Variants in TBC1D9 observed in about 807,000 individuals in gnomAD.
TBC1D9 encodes the protein TBC1 domain family member 9A.
A neutral mutation model predicts 132.0 loss-of-function variants in TBC1D9; 63 were observed. That is an observed-to-expected ratio of 0.48 (90% CI 0.39 to 0.59). TBC1D9 has a LOEUF of 0.59. TBC1D9 is among the 20% of genes least tolerant of loss of function. The pLI, the probability that TBC1D9 is intolerant of heterozygous loss-of-function variation, is 0.00. For synonymous variants in TBC1D9, 610 were observed against 609.9 expected (o/e 1.00, Z 0.00); for missense variants, 1,261 against 1,592.7 (o/e 0.79, Z 3.54).
chr4:140,705,586 T>C (rs1028834140), intron 1 of TBC1D9, among the ~76,000 whole-genome samples: 33 of 152,084 alleles, frequency 2.2e-4, no homozygotes, highest in African/African-American at 6.5e-4. Context: ...CTATCTAAAC[T>C]CTGTTGGTAC....
At chr4:140,755,814 C>T in intron 1 of TBC1D9, 102 bp downstream of exon 1, 2 of 1,378,102 alleles carry the variant, frequency 1.5e-6, no homozygotes, top group Non-Finnish European at 1.9e-6. Context: ...GTCGCCCAGC[C>T]CCAGGGGACC....
At chr4:140,754,614 CAAAAAAAAAA>C (rs34471976) in intron 1 of TBC1D9, among the ~76,000 whole-genome samples, 9 of 23,264 alleles carry the variant, frequency 3.9e-4, no homozygotes, top group South Asian at 3.0e-3. Context: ...GACTCTGTCT[CAAAAAAAAAA>C]AAAAAAAAAA....
chr4:140,684,664 G>A (rs900911144), intron 3 of TBC1D9, among the ~76,000 whole-genome samples: 1 of 151,286 alleles, frequency 6.6e-6, no homozygotes, highest in Non-Finnish European at 1.5e-5. Context: ...TTGAGACAGA[G>A]TGTCACTCTG....
At chr4:140,714,937 A>G (rs1353638950) in intron 1 of TBC1D9, among the ~76,000 whole-genome samples, 1 of 152,156 alleles carries the variant, frequency 6.6e-6, no homozygotes, top group African/African-American at 2.4e-5. Flanking sequence ...CTCGGGCAAC[A>G]CAGTGAGATC....
intron 17 of TBC1D9, among the ~76,000 whole-genome samples, 187 bp from the exon 18 acceptor site, chr4:140,627,714 C>T (rs977313456): frequency 3.3e-5 from 5 of 152,204 alleles, no homozygotes; most frequent in Non-Finnish European, 7.3e-5. Context: ...TCTAACTCCA[C>T]CTTCCCTTTT....
At chr4:140,744,879 T>TAAAAAAAA (rs34469042) in intron 1 of TBC1D9, among the ~76,000 whole-genome samples, 1 of 107,516 alleles carries the variant, frequency 9.3e-6, no homozygotes, top group Non-Finnish European at 1.8e-5. Context: ...CAAGAGTGTT[T>TAAAAAAAA]AAAAAAAAAA....
chr4:140,719,346 A>C (rs916677113), intron 1 of TBC1D9, among the ~76,000 whole-genome samples: 1 of 152,162 alleles, frequency 6.6e-6, no homozygotes, highest in African/African-American at 2.4e-5. Context: ...CAAAAACTGT[A>C]GAGTCTCTCA....
chr4:140,641,090 C>CAAAAAAA (rs35813378), intron 13 of TBC1D9, among the ~76,000 whole-genome samples: 44 of 34,994 alleles, frequency 1.3e-3, no homozygotes, highest in African/African-American at 2.1e-3. Context: ...TAATACTAAG[C>CAAAAAAA]AAAAAAAAAA....
At chr4:140,738,469 C>T (rs972518632) in intron 1 of TBC1D9, among the ~76,000 whole-genome samples, 1 of 152,156 alleles carries the variant, frequency 6.6e-6, no homozygotes, top group Non-Finnish European at 1.5e-5. Context: ...TTTTACTCCC[C>T]TCCTTCTTGC....
At chr4:140,690,941 G>A (rs892106864) in intron 2 of TBC1D9, among the ~76,000 whole-genome samples, 11 of 152,116 alleles carry the variant, frequency 7.2e-5, no homozygotes, top group African/African-American at 2.7e-4. Context: ...ATTGAACTAT[G>A]GATTCCTATC....
At chr4:140,643,846 C>T (rs1578821176) in intron 13 of TBC1D9, 5 of 719,114 alleles carry the variant, frequency 7.0e-6, no homozygotes, top group South Asian at 1.5e-5. Flanking sequence ...CCTCTGCATC[C>T]GCCTGCAGGG....
chr4:140,684,323 A>G (rs17006347), intron 3 of TBC1D9, among the ~76,000 whole-genome samples: 9,210 of 152,102 alleles, frequency 0.061, 915 homozygotes, highest in African/African-American at 0.21. Flanking sequence ...TTATGGTTGC[A>G]TCTGTAGTTA....
chr4:140,707,207 CTAAT>C (rs1738162673), intron 1 of TBC1D9, among the ~76,000 whole-genome samples: 1 of 151,878 alleles, frequency 6.6e-6, no homozygotes. Flanking sequence ...CCTCTGATTA[CTAAT>C]TAATTTTCTT....
chr4:140,622,105 T>G lies in TBC1D9; in HGVS notation c.*90A>C. On this transcript the variant is annotated 3_prime_UTR_variant, in exon 21 of 21. Transcript: ENST00000442267. ...AGCCAGGTACTAATAAATATTTAAT[T>G]TAAAAGAAAGAAAGAAAAAACTCAA... The G allele has an allele frequency of 6.8e-7, 1 of 1,467,224 alleles. No individual in the cohort carries two copies. The highest frequency in any genetic ancestry group is 2.3e-5 in the East Asian group (1 of 42,988). The allele number at this position is 1,467,224 out of a possible 1,614,324, so 90.9% of individuals were successfully genotyped here.
rs1046863820 is a variant in TBC1D9 at position 140,643,045 on chromosome 4, G to A, written c.2338-3617C>T. ...ACGGAGGACTTCATGGGGTACATCC[G>A]CTCCTCCTTCTTGCGCATCCAGCTG... On this transcript the variant is annotated intron_variant, in intron 13 of 20. Coordinates refer to ENST00000442267, the MANE Select transcript of TBC1D9 (RefSeq NM_015130.3). The A allele has an allele frequency of 3.4e-6, 4 of 1,179,826 alleles. No individual in the cohort carries two copies. In the Admixed American group the frequency reaches 6.9e-5, roughly 20 times the overall value. 73.1% of individuals were successfully genotyped at this position (1,179,826 alleles called of 1,614,324 possible).
chr4:140,639,226 C>T, intron 14 of TBC1D9, 72 bp from the exon 15 acceptor site: 4 of 1,481,282 alleles, frequency 2.7e-6, no homozygotes, highest in Non-Finnish European at 1.8e-6. Flanking sequence ...CCTAATTTTT[C>T]CCTTTCAAAT....
In TBC1D9 at chr4:140,687,310, CAT is replaced by C. The variant is rs1246888690; in HGVS notation, c.242-850_242-849del. Among the ~76,000 whole-genome samples the C allele has an allele frequency of 7.1e-4, 40 of 56,058 alleles. 1 individual carries two copies. Among genetic ancestry groups the C allele is most frequent in the Non-Finnish European group, 1.4e-3 (34 of 24,276 alleles). The allele number at this position is 56,058 out of a possible 152,430, so 36.8% of individuals were successfully genotyped here. ...GTCCGTATATCATATATATGTGTGC[CAT>C]ATATATATATGTGTGTGTGTGTGTG... On this transcript the variant is annotated intron_variant, in intron 2 of 20. Coordinates refer to ENST00000442267, the MANE Select transcript of TBC1D9 (RefSeq NM_015130.3).
At chr4:140,654,739 A>G (rs2110994014) in intron 13 of TBC1D9, among the ~76,000 whole-genome samples, 1 of 152,302 alleles carries the variant, frequency 6.6e-6, no homozygotes, top group African/African-American at 2.4e-5. Context: ...TATCTCCAAT[A>G]GTGGAAACAT....
chr4:140,714,119 T>C (rs1211528034), intron 1 of TBC1D9, among the ~76,000 whole-genome samples: 1 of 152,192 alleles, frequency 6.6e-6, no homozygotes, highest in Non-Finnish European at 1.5e-5. Flanking sequence ...GGACTTTGAT[T>C]AGTGCAAACA....
Sources: gnomAD v4.1 joint callset for allele counts (sites outside exome capture counted in the v4.1 genomes callset) on GRCh38, gnomAD v4.1.1 for gene constraint, MANE v1.5 for transcripts, NCBI Gene and HGNC (gene_info 2026-07-23, HGNC 2026-07-21) for gene names.